Variants in MGAT4C observed in about 807,000 individuals in gnomAD.
MGAT4C encodes the protein MGAT4 family member C.
In MGAT4C, 19 loss-of-function variants were observed where a neutral mutation model predicts 40.1. The observed-to-expected ratio is 0.47, with a 90% CI of 0.33 to 0.70. The LOEUF (loss-of-function observed/expected upper bound fraction) is 0.70. Ranked by LOEUF, MGAT4C falls within the 30% of genes least tolerant of loss-of-function variation. The pLI is 0.02. For synonymous variants in MGAT4C, 181 were observed against 187.1 expected (o/e 0.97, Z 0.27); for missense variants, 491 against 563.2 (o/e 0.87, Z 1.30).
chr12:86,566,545 T>TAC (rs1339305848), intron 2 of MGAT4C, among the ~76,000 whole-genome samples: 1 of 103,762 alleles, frequency 9.6e-6, no homozygotes, highest in East Asian at 2.5e-4. Context: ...TATATATATA[T>TAC]ATATATATAT....
At chr12:86,641,764 AC>A (rs999526406) in intron 2 of MGAT4C, among the ~76,000 whole-genome samples, 4 of 151,882 alleles carry the variant, frequency 2.6e-5, no homozygotes, top group Non-Finnish European at 4.4e-5. Flanking sequence ...GGAAAACATA[AC>A]CTCCGCAAAA....
intron 1 of MGAT4C, among the ~76,000 whole-genome samples, chr12:86,755,136 T>C (rs1951281267): frequency 1.3e-5 from 2 of 152,146 alleles, no homozygotes; most frequent in Non-Finnish European, 2.9e-5. Flanking sequence ...CAGATTACTT[T>C]CAATAATGTG....
intron 1 of MGAT4C, among the ~76,000 whole-genome samples, chr12:86,115,202 T>A (rs561803280): frequency 5.9e-5 from 9 of 151,896 alleles, no homozygotes; most frequent in African/African-American, 2.2e-4. Flanking sequence ...TGAATATATT[T>A]AAAAAAATAA....
At chr12:86,626,152 A>G (rs559078107) in intron 2 of MGAT4C, among the ~76,000 whole-genome samples, 41 of 152,320 alleles carry the variant, frequency 2.7e-4, no homozygotes, top group African/African-American at 9.6e-4. Flanking sequence ...CTTGCTGTGA[A>G]GAAGATTTGA....
chr12:86,771,686 AT>A (rs1951640060), intron 1 of MGAT4C, among the ~76,000 whole-genome samples: 2 of 146,756 alleles, frequency 1.4e-5, no homozygotes, highest in East Asian at 4.1e-4. Context: ...ATAAATATAT[AT>A]GTGTGTGTGT....
chr12:86,657,515 T>A (rs1963879723), intron 2 of MGAT4C, among the ~76,000 whole-genome samples: 1 of 151,756 alleles, frequency 6.6e-6, no homozygotes, highest in African/African-American at 2.4e-5. Flanking sequence ...AAAGCAGAAA[T>A]TAGGTGATAA....
chr12:86,506,524 A>G (rs1958475106), intron 2 of MGAT4C, among the ~76,000 whole-genome samples: 1 of 152,234 alleles, frequency 6.6e-6, no homozygotes, highest in Non-Finnish European at 1.5e-5. Context: ...TATTTAGGAA[A>G]GAGAAAGTAG....
At chr12:86,026,242 A>G (rs544842622) in intron 2 of MGAT4C, among the ~76,000 whole-genome samples, 1 of 151,648 alleles carries the variant, frequency 6.6e-6, no homozygotes, top group South Asian at 2.1e-4. Context: ...GTTCTCCTCT[A>G]CTCCCATCAC....
intron 3 of MGAT4C, among the ~76,000 whole-genome samples, chr12:86,391,520 G>C (rs1040248377): frequency 2.6e-5 from 4 of 152,200 alleles, no homozygotes; most frequent in Non-Finnish European, 4.4e-5. Context: ...ATAAGGTCCA[G>C]TTGTAATATT....
intron 2 of MGAT4C, among the ~76,000 whole-genome samples, chr12:86,654,348 T>A (rs1963780890): frequency 6.6e-6 from 1 of 151,580 alleles, no homozygotes; most frequent in African/African-American, 2.4e-5. Flanking sequence ...TGGGGTTTTT[T>A]TTTTTCCTGA....
chr12:86,815,757 A>G (rs1952590861), intron 1 of MGAT4C, among the ~76,000 whole-genome samples: 2 of 151,572 alleles, frequency 1.3e-5, no homozygotes, highest in African/African-American at 4.8e-5. Flanking sequence ...GTAACTCAAG[A>G]ATGGAAAACC....
At chr12:86,575,691 T>C (rs1157024375) in intron 2 of MGAT4C, among the ~76,000 whole-genome samples, 1 of 151,898 alleles carries the variant, frequency 6.6e-6, no homozygotes, top group East Asian at 1.9e-4. Flanking sequence ...ATCTCATTGA[T>C]ATGCTGATTT....
intron 3 of MGAT4C, among the ~76,000 whole-genome samples, chr12:86,352,881 G>A (rs534295123): frequency 1.3e-5 from 2 of 151,756 alleles, no homozygotes; most frequent in African/African-American, 4.8e-5. Flanking sequence ...GTGGGGGAAG[G>A]GGGGAGGGGT....
At chr12:86,764,252 C>A (rs545232384) in intron 1 of MGAT4C, among the ~76,000 whole-genome samples, 1 of 152,084 alleles carries the variant, frequency 6.6e-6, no homozygotes, top group African/African-American at 2.4e-5. Flanking sequence ...CACGGAGTCT[C>A]GCTGATTGCT....
At chr12:86,169,226 G>C (rs1024103588) in intron 1 of MGAT4C, among the ~76,000 whole-genome samples, 2 of 152,122 alleles carry the variant, frequency 1.3e-5, no homozygotes, top group Admixed American at 6.5e-5. Context: ...GCACAGTAAA[G>C]ATGAAGGCAA....
intron 2 of MGAT4C, among the ~76,000 whole-genome samples, chr12:86,570,244 C>T (rs1008820501): frequency 3.3e-5 from 5 of 152,046 alleles, no homozygotes; most frequent in African/African-American, 1.2e-4. Flanking sequence ...ATGTAATTAG[C>T]TTTAGGTCAT....
At chr12:86,370,224 A>C (rs1955689131) in intron 3 of MGAT4C, among the ~76,000 whole-genome samples, 1 of 152,058 alleles carries the variant, frequency 6.6e-6, no homozygotes, top group South Asian at 2.1e-4. Context: ...ATAGTGTACT[A>C]AATGTTAGAG....
rs373221955 is a variant in MGAT4C, at chr12:86,500,176, T to C, written c.-228-64911A>G. Among the ~76,000 whole-genome samples the C allele has an allele frequency of 3.9e-5, 6 of 151,966 alleles. No homozygotes were observed. The South Asian group carries it at 1.2e-3, about 31-fold the overall frequency. ...TGTGTGTATGTATGGTGAATATCTA[T>C]ATTCATATATATGTATACATATATG... On this transcript the variant is annotated intron_variant, in intron 2 of 7. Transcript: ENST00000548651.
intron 2 of MGAT4C, among the ~76,000 whole-genome samples, chr12:86,668,391 T>C (rs2136559763): frequency 6.6e-6 from 1 of 152,278 alleles, no homozygotes; most frequent in Admixed American, 6.5e-5. Context: ...CCCCTGTGAT[T>C]CACCTTTCCA....
Sources: allele counts gnomAD v4.1 joint callset (sites outside exome capture counted in the v4.1 genomes callset), GRCh38; gene constraint gnomAD v4.1.1; transcripts MANE v1.5; gene names NCBI Gene and HGNC (gene_info 2026-07-23, HGNC 2026-07-21).